Variants in DNM2 observed in about 807,000 individuals in gnomAD.
DNM2 encodes the protein dynamin-2.
Under a neutral mutation model 99.0 loss-of-function variants are expected in DNM2, and 15 were observed. That is an observed-to-expected ratio of 0.15 (90% CI 0.10 to 0.23). The LOEUF is 0.23. Ranked by LOEUF, DNM2 falls within the 10% of genes least tolerant of loss-of-function variation. The probability of loss-of-function intolerance (pLI) is 1.00; values close to 1 mark genes in which losing one functional copy is unlikely to be tolerated. For missense variants in DNM2, 742 were observed against 1,189.4 expected, an observed-to-expected ratio of 0.62 and a Z score of 5.53; for synonymous variants, 525 against 481.2, an observed-to-expected ratio of 1.09 and a Z score of -1.19.
At chr19:10,738,114 C>T (rs2069596923) in intron 1 of DNM2, among the ~76,000 whole-genome samples, 1 of 151,932 alleles carries the variant, frequency 6.6e-6, no homozygotes, top group Non-Finnish European at 1.5e-5. Context: ...GGAAGTAGGC[C>T]GGACGTGGTG....
intron 1 of DNM2, among the ~76,000 whole-genome samples, chr19:10,733,001 A>G (rs2069387728): frequency 6.6e-6 from 1 of 151,710 alleles, no homozygotes; most frequent in South Asian, 2.1e-4. Context: ...CTCCTGCCTC[A>G]GCCTCCCGAG....
Position 10,759,774 on chromosome 19 carries a change from G to GCGGCCT in DNM2, c.200_205dup (p.Arg67_Pro68dup). 6.2e-7 allele frequency: 1 copy of GCGGCCT among 1,614,130 alleles called. No homozygotes were observed. Among genetic ancestry groups the GCGGCCT allele is most frequent in the East Asian group, 2.2e-5 (1 of 44,884 alleles). On this transcript the variant is annotated inframe_insertion, in exon 2 of 21. Transcript: ENST00000389253. ...CCCGCGGTTCAGGAATCGTCACCCG[G>GCGGCCT]CGGCCTCTCATTCTGCAGCTCATCT...
At position 10,802,308 on chromosome 19, in the gene DNM2, T is replaced by C; in HGVS notation, c.1443T>C (p.Ile481=). 6.2e-7 allele frequency: 1 copy of C among 1,614,080 alleles called. No homozygotes were observed. The highest frequency in any genetic ancestry group is 8.5e-7 in the Non-Finnish European group (1 of 1,180,016). The stretch of plus-strand genomic sequence containing the variant: ...CCCAGATTCTTCTGCTGATCGACAT[T>C]GAGCAGTCCTACATCAACACGAACC... ...TKDQILLLID[I]EQSYINTNHE... is the part of the protein sequence containing the mutation. The change falls in exon 12 of 21, where the codon ATT becomes ATC. Residue 481 remains isoleucine, a synonymous_variant. Transcript: ENST00000389253.
rs115329788 is a variant in DNM2 at position 10,811,251 on chromosome 19, G to A, written c.1558-1013G>A. 3.7e-3 allele frequency: 676 copies of A among 180,702 alleles called. 2 individuals carry two copies. Among genetic ancestry groups the A allele is most frequent in the African/African-American group, 0.011 (466 of 42,000 alleles). 11.2% of individuals were successfully genotyped at this position (180,702 alleles called of 1,614,324 possible). On this transcript the variant is annotated intron_variant, in intron 14 of 20. Coordinates refer to ENST00000389253, the MANE Select transcript of DNM2 (RefSeq NM_001005361.3). The surrounding 1 kb of genome is among the most constrained non-coding windows in gnomAD (Gnocchi z 5.4). Reference sequence around the variant, plus strand: ...ACTCACATCCAGCCACCAAGGAGCCGCTGGAGCTGTGGGCTGGTGGCCCTG... The same window carrying A: ...ACTCACATCCAGCCACCAAGGAGCCACTGGAGCTGTGGGCTGGTGGCCCTG...
Position 10,798,476 on chromosome 19 carries a change from G to C in DNM2, c.1336-10G>C. ...CCCCGCCAATGCGACCACTCTGCTT[G>C]TTCCCCCAGCTCAGTTCCTACCCCC... On this transcript the variant is annotated splice_polypyrimidine_tract_variant and intron_variant, in intron 10 of 20. Transcript: ENST00000389253. The C allele has an allele frequency of 1.9e-6, 3 of 1,613,910 alleles. No individual in the cohort carries two copies. The highest frequency in any genetic ancestry group is 2.5e-6 in the Non-Finnish European group (3 of 1,179,980).
At chr19:10,739,075 A>G (rs576735386) in intron 1 of DNM2, among the ~76,000 whole-genome samples, 15 of 152,216 alleles carry the variant, frequency 9.9e-5, no homozygotes, top group Admixed American at 7.2e-4. Context: ...CAGGAGGCTG[A>G]GGCAGGAGAA....
At chr19:10,744,038 G>C (rs922343474) in intron 1 of DNM2, among the ~76,000 whole-genome samples, 11 of 151,532 alleles carry the variant, frequency 7.3e-5, no homozygotes, top group African/African-American at 2.7e-4. Context: ...TACGCCCGTA[G>C]TCCCAGCTGC....
chr19:10,779,502 C>CTTTTTTTTTTTTTTTTTTTTTTTTTTTT lies in DNM2; in HGVS notation c.688+2311_688+2312insTTTTTTTTTTTTTTTTTTTTTTTTTTTT, dbSNP rs55819116. On this transcript the variant is annotated intron_variant, in intron 5 of 20. Transcript: ENST00000389253. ...TCTTTCTTTCTTTCTTTCTTTCTTTCTTTTTTTTTTTTTTTTTTTTTTTTT... is the reference window on the plus strand; with the variant it reads ...TCTTTCTTTCTTTCTTTCTTTCTTTCTTTTTTTTTTTTTTTTTTTTTTTTTTTTTTTTTTTTTTTTTTTTTTTTTTTTT... Among the ~76,000 whole-genome samples, 145 of 29,622 alleles carry CTTTTTTTTTTTTTTTTTTTTTTTTTTTT rather than the reference C, an allele frequency of 4.9e-3. 4 individuals carry two copies. The highest frequency in any genetic ancestry group is 6.1e-3 in the Non-Finnish European group (105 of 17,226). The allele number at this position is 29,622 out of a possible 152,430, so 19.4% of individuals were successfully genotyped here. A position where few individuals can be genotyped will look rare whatever the true frequency, so the allele number is the denominator to read the frequency against.
chr19:10,772,698 C>A lies in DNM2; in HGVS notation c.385+70C>A. 2 of 1,604,088 alleles carry A rather than the reference C, an allele frequency of 1.2e-6. No individual in the cohort carries two copies. The highest frequency in any genetic ancestry group is 1.7e-6 in the Non-Finnish European group (2 of 1,175,376). On this transcript the variant is annotated intron_variant, in intron 3 of 20. Transcript: ENST00000389253. This position sits in a 1 kb window ranked among gnomAD's most constrained non-coding sequence, Gnocchi z 4.9. ...TTCATGGACAGTGCTATGGGTGAGC[C>A]TGTGTACTTCCACTCATGGGTATCA...
Position 10,830,400 on chromosome 19 carries a change from C to T in DNM2, c.2543+22C>T, listed in dbSNP as rs768159785. 6.2e-7 allele frequency: 1 copy of T among 1,602,938 alleles called. No individual in the cohort carries two copies. Among genetic ancestry groups the T allele is most frequent in the Non-Finnish European group, 8.5e-7 (1 of 1,177,422 alleles). On this transcript the variant is annotated intron_variant, in intron 20 of 20. Coordinates refer to ENST00000389253, the MANE Select transcript of DNM2 (RefSeq NM_001005361.3). The surrounding 1 kb of genome is among the most constrained non-coding windows in gnomAD (Gnocchi z 4.8). ...CCAGGTAAGGCCAACCCCCTGCCCT[C>T]CACCCCAACTGCCTGCACCCTGGGG...
chr19:10,806,290 T>C (rs973072670), intron 13 of DNM2, among the ~76,000 whole-genome samples: 1 of 150,720 alleles, frequency 6.6e-6, no homozygotes, highest in Non-Finnish European at 1.5e-5. Flanking sequence ...GAGGCCGAGG[T>C]GGGAGGATCA....
chr19:10,734,343 A>AG (rs944867834), intron 1 of DNM2, among the ~76,000 whole-genome samples: 4 of 110,464 alleles, frequency 3.6e-5, no homozygotes, highest in African/African-American at 1.5e-4. Flanking sequence ...ACTCTGTCTC[A>AG]AAAAAAAAAA....
At chr19:10,735,270 C>A (rs573317692) in intron 1 of DNM2, among the ~76,000 whole-genome samples, 126 of 152,096 alleles carry the variant, frequency 8.3e-4, no homozygotes, top group African/African-American at 2.9e-3. Context: ...GATCTCCTGA[C>A]CTCATGATCT....
At chr19:10,758,224 A>G (rs754278472) in intron 1 of DNM2, among the ~76,000 whole-genome samples, 1 of 149,196 alleles carries the variant, frequency 6.7e-6, no homozygotes, top group Non-Finnish European at 1.5e-5. Flanking sequence ...TCCATTGTGA[A>G]AGACATGGAA....
At position 10,795,208 on chromosome 19, in the gene DNM2, A is replaced by T. The variant is rs1392195787; in HGVS notation, c.1129-164A>T. On this transcript the variant is annotated intron_variant, in intron 8 of 20. Coordinates refer to ENST00000389253, the MANE Select transcript of DNM2 (RefSeq NM_001005361.3). The surrounding 1 kb of genome is among the most constrained non-coding windows in gnomAD (Gnocchi z 4.2). ...AGTGCTGAGATTACAGGTGTGAGCC[A>T]CTGTATCTGGCCAGTTTTCAATTTT... Among the ~76,000 whole-genome samples, 1 of 152,206 alleles carries T rather than the reference A, an allele frequency of 6.6e-6. No individual in the cohort carries two copies. Among genetic ancestry groups the T allele is most frequent in the Non-Finnish European group, 1.5e-5 (1 of 68,044 alleles).
intron 11 of DNM2, among the ~76,000 whole-genome samples, chr19:10,799,709 T>C (rs1233657362): frequency 6.6e-6 from 1 of 152,038 alleles, no homozygotes; most frequent in Non-Finnish European, 1.5e-5. Context: ...AATTTTTGTA[T>C]TTTTAGTAGA....
At chr19:10,718,805 G>A (rs939000511) in intron 1 of DNM2, among the ~76,000 whole-genome samples, 2 of 152,068 alleles carry the variant, frequency 1.3e-5, no homozygotes, top group East Asian at 1.9e-4. Flanking sequence ...CGACCGCTGC[G>A]GTCTGGCTGG....
rs1453561384 is a variant in DNM2 at position 10,734,000 on chromosome 19, T to TC, written c.161+15599dup. On this transcript the variant is annotated intron_variant, in intron 1 of 20. Coordinates refer to ENST00000389253, the MANE Select transcript of DNM2 (RefSeq NM_001005361.3). ...TTCAGCCTGGACAACAAAAGGAGACTCCATCTCAAAAAATAAAAAAAAAAA... is the reference window on the plus strand; with the variant it reads ...TTCAGCCTGGACAACAAAAGGAGACTCCCATCTCAAAAAATAAAAAAAAAAA... Among the ~76,000 whole-genome samples the TC allele has an allele frequency of 1.2e-4, 18 of 148,842 alleles. No individual in the cohort carries two copies. In the East Asian group the frequency reaches 3.5e-3, roughly 29 times the overall value.
rs935542695 is a variant in DNM2, at chr19:10,817,728, C to T, written c.1672-2252C>T. Among the ~76,000 whole-genome samples, 2 of 131,542 alleles carry T rather than the reference C, an allele frequency of 1.5e-5. No homozygotes were observed. Among genetic ancestry groups the T allele is most frequent in the African/African-American group, 3.0e-5 (1 of 33,728 alleles). 86.3% of individuals were successfully genotyped at this position (131,542 alleles called of 152,430 possible). On this transcript the variant is annotated intron_variant, in intron 15 of 20. Coordinates refer to ENST00000389253, the MANE Select transcript of DNM2 (RefSeq NM_001005361.3). This position sits in a 1 kb window ranked among gnomAD's most constrained non-coding sequence, Gnocchi z 4.6. ...CGGAGCAGGAGGCAGGGTTTGGGAT[C>T]GTGGCTTCTGGGCTCAGGAGGAATG...
Sources: gnomAD v4.1 joint callset for allele counts (sites outside exome capture counted in the v4.1 genomes callset) on GRCh38, gnomAD v4.1.1 for gene constraint, Gnocchi (gnomAD v3.1) non-coding constraint, MANE v1.5 for transcripts, NCBI Gene and HGNC (gene_info 2026-07-23, HGNC 2026-07-21) for gene names.